Variants in PTPRD observed in about 807,000 individuals in gnomAD.
PTPRD encodes the protein receptor-type tyrosine-protein phosphatase delta.
In PTPRD, 34 loss-of-function variants were observed where a neutral mutation model predicts 214.5. That is an observed-to-expected ratio of 0.16 (90% CI 0.12 to 0.21). PTPRD has a LOEUF of 0.21. PTPRD is among the 10% of genes least tolerant of loss of function. The probability of loss-of-function intolerance (pLI) is 1.00; values close to 1 mark genes in which losing one functional copy is unlikely to be tolerated. For missense variants in PTPRD, 2,545 were observed against 2,398.7 expected (o/e 1.06, Z -1.27); for synonymous variants, 1,128 against 845.7 (o/e 1.33, Z -5.79).
rs866604092 is a variant in PTPRD at position 9,376,351 on chromosome 9, G to T, written c.-203+21098C>A. Among the ~76,000 whole-genome samples, 14 of 152,136 alleles carry T rather than the reference G, an allele frequency of 9.2e-5. 1 individual carries two copies. In the Middle Eastern group the frequency reaches 0.017, roughly 186 times the overall value. On this transcript the variant is annotated intron_variant, in intron 9 of 45. Transcript: ENST00000381196. Reference sequence around the variant, plus strand: ...TCACCCTCCTATAAAATTTGACTTTGGCTATAGACAACTTAATCAGTGATT... The same window carrying T: ...TCACCCTCCTATAAAATTTGACTTTTGCTATAGACAACTTAATCAGTGATT...
intron 10 of PTPRD, among the ~76,000 whole-genome samples, chr9:9,174,189 T>C (rs1471068285): frequency 6.6e-6 from 1 of 152,162 alleles, no homozygotes; most frequent in Non-Finnish European, 1.5e-5. Context: ...AGAATACTTA[T>C]TTGCTTTCCT....
At chr9:9,266,013 T>C (rs1342303616) in intron 9 of PTPRD, among the ~76,000 whole-genome samples, 1 of 151,414 alleles carries the variant, frequency 6.6e-6, no homozygotes, top group Non-Finnish European at 1.5e-5. Flanking sequence ...AGGACATACA[T>C]AAGGTGAAGG....
chr9:9,970,523 G>C lies in PTPRD; in HGVS notation c.-471-31913C>G, dbSNP rs1046406783. Among the ~76,000 whole-genome samples the C allele has an allele frequency of 2.0e-5, 3 of 151,918 alleles. No homozygotes were observed. The South Asian group carries it at 6.2e-4, about 32-fold the overall frequency. ...TCTGGTTGGGTGGACAGTCAGACAT[G>C]GCTCTTAGTGCAGCAGGTATGTACC... On this transcript the variant is annotated intron_variant, in intron 4 of 45. Transcript: ENST00000381196.
At chr9:8,811,281 T>C (rs367841958) in intron 11 of PTPRD, among the ~76,000 whole-genome samples, 1 of 152,004 alleles carries the variant, frequency 6.6e-6, no homozygotes, top group Non-Finnish European at 1.5e-5. Context: ...AGCTCAACAT[T>C]CTACCACCAA....
At position 10,017,282 on chromosome 9, in the gene PTPRD, ATTTAT is replaced by A. The variant is rs200733199; in HGVS notation, c.-472+16431_-472+16435del. Among the ~76,000 whole-genome samples, 9 of 151,714 alleles carry A rather than the reference ATTTAT, an allele frequency of 5.9e-5. No individual in the cohort carries two copies. In the East Asian group the frequency reaches 1.2e-3, roughly 20 times the overall value. On this transcript the variant is annotated intron_variant, in intron 4 of 45. Coordinates refer to ENST00000381196, the MANE Select transcript of PTPRD (RefSeq NM_002839.4). ...GTAAAATTTGTCCATTTCTTTGTCC[ATTTAT>A]TTTATCTTTTTTTTTATCAATGTTC... is the stretch of plus-strand genomic sequence containing the variant.
chr9:8,693,358 T>C (rs892236819), intron 12 of PTPRD, among the ~76,000 whole-genome samples: 11 of 152,210 alleles, frequency 7.2e-5, no homozygotes, highest in Non-Finnish European at 1.6e-4. Flanking sequence ...CATATCCTTC[T>C]TCTCCATGTT....
chr9:9,863,925 T>C (rs957441985), intron 5 of PTPRD, among the ~76,000 whole-genome samples: 3 of 152,156 alleles, frequency 2.0e-5, no homozygotes, highest in Non-Finnish European at 4.4e-5. Flanking sequence ...ATTTTGCAGT[T>C]ATGTGAGTTA....
At chr9:10,152,312 C>T (rs1250129798) in intron 3 of PTPRD, among the ~76,000 whole-genome samples, 2 of 152,020 alleles carry the variant, frequency 1.3e-5, no homozygotes, top group East Asian at 1.9e-4. Context: ...TATATATTAT[C>T]TGTATGTTTT....
intron 7 of PTPRD, among the ~76,000 whole-genome samples, chr9:9,665,867 T>A (rs2154383042): frequency 6.6e-6 from 1 of 152,034 alleles, no homozygotes; most frequent in Admixed American, 6.6e-5. Flanking sequence ...AATTGGTAAT[T>A]TGATTGAAGT....
rs2154176210 is a variant in PTPRD, at chr9:10,067,783, A to C, written c.-544-33993T>G. Reference sequence around the variant, plus strand: ...TCATATCCCTATCTCCCACCCCAACAGCACAAACGAGTTAGATGCAGTGAT... The same window carrying C: ...TCATATCCCTATCTCCCACCCCAACCGCACAAACGAGTTAGATGCAGTGAT... On this transcript the variant is annotated intron_variant, in intron 3 of 45. Coordinates refer to ENST00000381196, the MANE Select transcript of PTPRD (RefSeq NM_002839.4). Among the ~76,000 whole-genome samples the C allele has an allele frequency of 1.3e-5, 2 of 151,976 alleles. 1 individual carries two copies. The highest frequency in any genetic ancestry group is 4.1e-4 in the South Asian group (2 of 4,826).
At chr9:10,596,601 T>G (rs1252386144) in intron 2 of PTPRD, among the ~76,000 whole-genome samples, 1 of 151,710 alleles carries the variant, frequency 6.6e-6, no homozygotes, top group East Asian at 1.9e-4. Context: ...TTAATTATTT[T>G]GTAATAAGCA....
At chr9:9,861,396 T>C (rs1005024418) in intron 5 of PTPRD, among the ~76,000 whole-genome samples, 6 of 152,174 alleles carry the variant, frequency 3.9e-5, no homozygotes, top group African/African-American at 7.2e-5. Context: ...GTTCAAGCGA[T>C]TCTCCTGCCT....
intron 2 of PTPRD, among the ~76,000 whole-genome samples, chr9:10,484,372 A>T (rs745688755): frequency 3.9e-5 from 6 of 152,058 alleles, no homozygotes; most frequent in Non-Finnish European, 7.4e-5. Context: ...AATACATTGA[A>T]ATTCCAGACT....
chr9:9,849,304 G>T lies in PTPRD; in HGVS notation c.-367-82453C>A, dbSNP rs34118738. ...GAAACACATGTCTGAATTTATTCTA[G>T]AAGACAGGTAGTAAAAGAAAAATAA... On this transcript the variant is annotated intron_variant, in intron 5 of 45. Transcript: ENST00000381196. Among the ~76,000 whole-genome samples the T allele has an allele frequency of 4.6e-5, 7 of 151,802 alleles. No homozygotes were observed. The East Asian group carries it at 1.4e-3, about 30-fold the overall frequency.
At position 10,183,852 on chromosome 9, in the gene PTPRD, G is replaced by A. The variant is rs539890623; in HGVS notation, c.-544-150062C>T. ...ATGAAATGCCAATGCATATTAAAAA[G>A]TAAAGACAGAACCACAAAGGAGAGA... On this transcript the variant is annotated intron_variant, in intron 3 of 45. Transcript: ENST00000381196. Among the ~76,000 whole-genome samples, 281 of 152,282 alleles carry A rather than the reference G, an allele frequency of 1.8e-3. 3 individuals are homozygous for A. The Middle Eastern group carries it at 0.027, about 15-fold the overall frequency.
At chr9:8,531,518 G>A (rs1218486886) in intron 14 of PTPRD, among the ~76,000 whole-genome samples, 2 of 152,026 alleles carry the variant, frequency 1.3e-5, no homozygotes, top group South Asian at 2.1e-4. Flanking sequence ...CAACTATACC[G>A]CCTTCATAAA....
chr9:8,840,005 A>G (rs1463332939), intron 11 of PTPRD, among the ~76,000 whole-genome samples: 2 of 152,224 alleles, frequency 1.3e-5, no homozygotes, highest in Non-Finnish European at 2.9e-5. Flanking sequence ...AAGGATTATG[A>G]GCAAAAGGAC....
At chr9:8,511,559 G>A (rs1031246697) in intron 21 of PTPRD, among the ~76,000 whole-genome samples, 1 of 151,744 alleles carries the variant, frequency 6.6e-6, no homozygotes, top group African/African-American at 2.4e-5. Flanking sequence ...AATTTTATAA[G>A]AAAATGTGAG....
chr9:10,128,777 G>T (rs1205209018), intron 3 of PTPRD, among the ~76,000 whole-genome samples: 1 of 152,212 alleles, frequency 6.6e-6, no homozygotes, highest in South Asian at 2.1e-4. Context: ...TTTTTCTGCT[G>T]CCTGAGCTCT....
Sources: allele counts gnomAD v4.1 joint callset (sites outside exome capture counted in the v4.1 genomes callset), GRCh38; gene constraint gnomAD v4.1.1; transcripts MANE v1.5; gene names NCBI Gene and HGNC (gene_info 2026-07-23, HGNC 2026-07-21).